The following AKAP7 variants were observed in gnomAD, a reference collection of about 807,000 sequenced individuals.
AKAP7 encodes the protein A-kinase anchoring protein 7.
AKAP7 carries 39 observed loss-of-function variants against 39.5 expected under a neutral mutation model. The ratio of observed to expected loss-of-function variants is 0.99; its 90% CI spans 0.76 to 1.29. The LOEUF (loss-of-function observed/expected upper bound fraction) is 1.29. AKAP7 is among the 50% of genes most tolerant of loss of function. AKAP7 has a pLI of 0.00. For missense variants in AKAP7, 414 were observed against 407.7 expected, an observed-to-expected ratio of 1.02 and a Z score of -0.13; for synonymous variants, 140 against 139.1, an observed-to-expected ratio of 1.01 and a Z score of -0.05.
In AKAP7 at chr6:131,199,575, T is replaced by C; in HGVS notation, c.702+2T>C. 1 of 1,583,956 alleles carries C rather than the reference T, an allele frequency of 6.3e-7. No homozygotes were observed. Among genetic ancestry groups the C allele is most frequent in the Non-Finnish European group, 8.7e-7 (1 of 1,152,668 alleles). On this transcript the variant is annotated splice_donor_variant, in intron 6 of 7. Coordinates refer to ENST00000431975, the MANE Select transcript of AKAP7 (RefSeq NM_016377.4). LOFTEE classifies it high-confidence loss of function. Reference sequence around the variant, plus strand: ...AAATCACCGTGGCTCCGTAAGAATGTGAGTGCATGTTCTTATTGCAAGCCT... The same window carrying C: ...AAATCACCGTGGCTCCGTAAGAATGCGAGTGCATGTTCTTATTGCAAGCCT...
intron 2 of AKAP7, among the ~76,000 whole-genome samples, chr6:131,151,815 T>A (rs1487709470): frequency 6.6e-6 from 1 of 152,164 alleles, no homozygotes; most frequent in African/African-American, 2.4e-5. Context: ...TTAGGAATGG[T>A]TACTTTGAAG....
chr6:131,237,514 C>T (rs540081442), intron 7 of AKAP7, among the ~76,000 whole-genome samples: 205 of 152,168 alleles, frequency 1.3e-3, no homozygotes, highest in African/African-American at 4.6e-3. Context: ...TGGTAGAATT[C>T]GGCTGTGAAT....
chr6:131,240,584 A>G (rs547731679), intron 7 of AKAP7, among the ~76,000 whole-genome samples: 1 of 152,056 alleles, frequency 6.6e-6, no homozygotes, highest in Non-Finnish European at 1.5e-5. Context: ...CGCTTTGTTT[A>G]CCTACTCAAG....
intron 7 of AKAP7, among the ~76,000 whole-genome samples, chr6:131,276,856 T>C (rs1003210781): frequency 6.6e-6 from 1 of 152,110 alleles, no homozygotes; most frequent in Non-Finnish European, 1.5e-5. Context: ...ATACTGGCAA[T>C]GGGCAGGGTG....
chr6:131,167,112 T>G (rs781020174), intron 4 of AKAP7, among the ~76,000 whole-genome samples: 1 of 152,200 alleles, frequency 6.6e-6, no homozygotes, highest in Non-Finnish European at 1.5e-5. Flanking sequence ...CCTTTGGGTC[T>G]GAACTCCAGT....
chr6:131,144,743 A>G (rs1190661504), intron 1 of AKAP7, among the ~76,000 whole-genome samples: 1 of 152,228 alleles, frequency 6.6e-6, no homozygotes, highest in Non-Finnish European at 1.5e-5. Context: ...CTGTAAGATC[A>G]TTTGCTTTTT....
intron 2 of AKAP7, among the ~76,000 whole-genome samples, chr6:131,152,294 C>T (rs555390137): frequency 6.6e-6 from 1 of 152,262 alleles, no homozygotes; most frequent in South Asian, 2.1e-4. Context: ...GTTCTATGGT[C>T]ATTGATTTTT....
At chr6:131,230,884 A>G (rs964924415) in intron 7 of AKAP7, among the ~76,000 whole-genome samples, 2 of 152,150 alleles carry the variant, frequency 1.3e-5, no homozygotes, top group African/African-American at 4.8e-5. Context: ...GAATATCCAC[A>G]ATTATCTTAA....
chr6:131,193,754 G>A (rs9375806), intron 5 of AKAP7, among the ~76,000 whole-genome samples: 72,463 of 151,724 alleles, frequency 0.48, 17,609 homozygotes, highest in East Asian at 0.68. Context: ...TCAGGTTTTG[G>A]ATTTCTTCAT....
chr6:131,185,552 G>C, intron 5 of AKAP7: 1 of 180,342 alleles, frequency 5.5e-6, no homozygotes, highest in South Asian at 1.8e-4. Context: ...TTCATTTGTG[G>C]TTTTGATTTG....
chr6:131,130,264 G>T, the AKAP7 span, among the ~76,000 whole-genome samples: 4 of 152,176 alleles, frequency 2.6e-5, no homozygotes, highest in African/African-American at 9.6e-5. Context: ...AGCTCAACCT[G>T]CTCTACTCTT....
intron 7 of AKAP7, among the ~76,000 whole-genome samples, chr6:131,257,354 T>C (rs1160976856): frequency 2.4e-5 from 3 of 123,390 alleles, no homozygotes; most frequent in Admixed American, 2.1e-4. Context: ...GGTGACAAAG[T>C]GAGGCCTTGT....
At chr6:131,213,244 T>G (rs1029636309) in intron 6 of AKAP7, among the ~76,000 whole-genome samples, 10 of 152,240 alleles carry the variant, frequency 6.6e-5, no homozygotes, top group Non-Finnish European at 8.8e-5. Flanking sequence ...TTCTCCTGCT[T>G]CAGTGTTGAC....
intron 5 of AKAP7, among the ~76,000 whole-genome samples, chr6:131,192,895 A>G (rs974927479): frequency 6.6e-6 from 1 of 152,136 alleles, no homozygotes; most frequent in African/African-American, 2.4e-5. Context: ...CACTATTGTC[A>G]TATAGAAATG....
intron 7 of AKAP7, among the ~76,000 whole-genome samples, chr6:131,241,603 G>GTATACGTATATATA (rs1426161618): frequency 8.1e-6 from 1 of 123,496 alleles, no homozygotes. Context: ...GTGTGTGTGT[G>GTATACGTATATATA]TGTGTGTGTG....
chr6:131,276,236 G>A (rs3777494), intron 7 of AKAP7, among the ~76,000 whole-genome samples: 77,062 of 151,972 alleles, frequency 0.51, 19,860 homozygotes, highest in African/African-American at 0.57. Flanking sequence ...ATATGGTTTT[G>A]GTGTTTTAAT....
At chr6:131,209,993 G>T (rs767321233) in intron 6 of AKAP7, among the ~76,000 whole-genome samples, 1 of 152,168 alleles carries the variant, frequency 6.6e-6, no homozygotes, top group Non-Finnish European at 1.5e-5. Context: ...AAACCAGCTG[G>T]AATTATTTGG....
chr6:131,265,986 G>T (rs969384502), intron 7 of AKAP7, among the ~76,000 whole-genome samples: 1 of 152,230 alleles, frequency 6.6e-6, no homozygotes, highest in Non-Finnish European at 1.5e-5. Context: ...CAAGTGTGCA[G>T]AGTTTGGGGG....
intron 7 of AKAP7, among the ~76,000 whole-genome samples, chr6:131,263,983 G>GT (rs1198500461): frequency 6.6e-6 from 1 of 152,130 alleles, no homozygotes; most frequent in Non-Finnish European, 1.5e-5. Flanking sequence ...TCCATAATCT[G>GT]TTTTTCCCCC....
Sources: allele counts gnomAD v4.1 joint callset (sites outside exome capture counted in the v4.1 genomes callset), GRCh38; gene constraint gnomAD v4.1.1; transcripts MANE v1.5; gene names NCBI Gene and HGNC (gene_info 2026-07-23, HGNC 2026-07-21).